The following ADAMTS18 variants were observed in gnomAD, a reference collection of about 807,000 sequenced individuals.
ADAMTS18 encodes the protein ADAM metallopeptidase with thrombospondin type 1 motif 18, also known as A disintegrin and metalloproteinase with thrombospondin motifs 18.
A neutral mutation model predicts 165.9 loss-of-function variants in ADAMTS18; 157 were observed. The observed-to-expected ratio is 0.95, with a 90% CI of 0.83 to 1.08. ADAMTS18 has a LOEUF of 1.08. Among genes scored for constraint, ADAMTS18 ranks in the 50% least tolerant of loss-of-function variants. ADAMTS18 has a pLI of 0.00. For missense variants in ADAMTS18, 2,040 were observed against 1,534.0 expected, an observed-to-expected ratio of 1.33 and a Z score of -5.51; for synonymous variants, 782 against 578.2, an observed-to-expected ratio of 1.35 and a Z score of -5.06.
intron 4 of ADAMTS18, 129 bp downstream of exon 4, chr16:77,367,312 G>C (rs1438934581): frequency 3.1e-6 from 3 of 960,652 alleles, no homozygotes; most frequent in African/African-American, 3.3e-5. Context: ...GATAATTACT[G>C]GTCCTACACC....
chr16:77,334,640 GTGTATATACACTATATACTGT>G (rs1469027088), intron 12 of ADAMTS18, among the ~76,000 whole-genome samples: 6 of 109,714 alleles, frequency 5.5e-5, no homozygotes, highest in Admixed American at 4.4e-4. Flanking sequence ...ATAGTATATA[GTGTATATACACTATATACTGT>G]ATATAGTGCA....
intron 3 of ADAMTS18, among the ~76,000 whole-genome samples, chr16:77,368,181 C>G (rs540680781): frequency 2.1e-4 from 32 of 152,262 alleles, no homozygotes; most frequent in African/African-American, 7.0e-4. Flanking sequence ...CCCCCATTTA[C>G]AAAGGAGAAA....
rs1325664703 is a variant in ADAMTS18 at position 77,434,653 on chromosome 16, C to G, written c.43G>C (p.Gly15Arg). Residue 15 changes from glycine to arginine, a missense_variant, in exon 1 of 23, where the codon GGT becomes CGT. Gly to Arg is a moderately radical substitution (Grantham distance 125). Transcript: ENST00000282849. ...GCCAGGCCCCTCGGCGGGCCCGAAC[C>G]CGCAGCCGGGAAGGCACACGCGAGC... ...LLLACAFPAA[G>R]SGPPRGLAGL... The G allele has an allele frequency of 1.4e-6, 2 of 1,480,414 alleles. No individual in the cohort carries two copies. Among genetic ancestry groups the G allele is most frequent in the Admixed American group, 4.6e-5 (2 of 43,370 alleles). 91.7% of individuals were successfully genotyped at this position (1,480,414 alleles called of 1,614,324 possible).
chr16:77,413,921 C>T (rs1597245566), intron 3 of ADAMTS18, among the ~76,000 whole-genome samples: 1 of 151,824 alleles, frequency 6.6e-6, no homozygotes, highest in Non-Finnish European at 1.5e-5. Context: ...TTTCATTTAT[C>T]TTCAAAAGAA....
intron 8 of ADAMTS18, 37 bp from the exon 9 acceptor site, chr16:77,356,114 G>C: frequency 1.2e-6 from 2 of 1,613,794 alleles, no homozygotes; most frequent in Non-Finnish European, 1.7e-6. Flanking sequence ...CCTGCTTTGT[G>C]AACCCATTTT....
chr16:77,413,068 C>T (rs940011447), intron 3 of ADAMTS18, among the ~76,000 whole-genome samples: 1 of 152,080 alleles, frequency 6.6e-6, no homozygotes, highest in Non-Finnish European at 1.5e-5. Flanking sequence ...CTTGTTGGTT[C>T]TGTTTCCATG....
At chr16:77,310,138 A>C (rs1430365107) in intron 16 of ADAMTS18, among the ~76,000 whole-genome samples, 1 of 152,196 alleles carries the variant, frequency 6.6e-6, no homozygotes, top group Non-Finnish European at 1.5e-5. Flanking sequence ...TCCTGGCTTC[A>C]GTGAAAGAAG....
At position 77,364,305 on chromosome 16, in the gene ADAMTS18, T is replaced by G. The variant is rs767925514; in HGVS notation, c.855A>C (p.Ser285=). The change falls in exon 5 of 23, where the codon TCA becomes TCC. Residue 285 remains serine, a synonymous_variant. Transcript: ENST00000282849. The stretch of plus-strand genomic sequence containing the variant: ...TGAGGCCCTTTTGTGATTTTCCAGC[T>G]GATCTTCTGGGTCGCCCAGAGCTCC... The part of the protein sequence containing the change: ...EYGSSGRPRR[S]AGKSQKGLNV... 6.2e-7 allele frequency: 1 copy of G among 1,614,034 alleles called. No individual in the cohort carries two copies. The highest frequency in any genetic ancestry group is 2.2e-5 in the East Asian group (1 of 44,872).
chr16:77,375,241 C>T (rs1253902136), intron 3 of ADAMTS18, among the ~76,000 whole-genome samples: 8 of 152,034 alleles, frequency 5.3e-5, no homozygotes, highest in Admixed American at 1.3e-4. Context: ...AGGCTGATCC[C>T]GAACTCCTGA....
chr16:77,319,113 G>A (rs2055940495), intron 16 of ADAMTS18, among the ~76,000 whole-genome samples: 1 of 151,974 alleles, frequency 6.6e-6, no homozygotes, highest in Admixed American at 6.5e-5. Context: ...CAAAATCATG[G>A]TAGTTTAGTA....
chr16:77,313,624 T>A (rs1249713145), intron 16 of ADAMTS18, among the ~76,000 whole-genome samples: 1 of 152,112 alleles, frequency 6.6e-6, no homozygotes, highest in Admixed American at 6.5e-5. Context: ...GTATTTCTCA[T>A]CAGGAGTGAT....
At chr16:77,324,135 T>C (rs1415966733) in intron 13 of ADAMTS18, among the ~76,000 whole-genome samples, 1 of 152,148 alleles carries the variant, frequency 6.6e-6, no homozygotes, top group Non-Finnish European at 1.5e-5. Context: ...GGCCAAGGAA[T>C]ATCCACGAAG....
intron 3 of ADAMTS18, among the ~76,000 whole-genome samples, chr16:77,383,892 A>G (rs941450985): frequency 6.6e-6 from 1 of 152,232 alleles, no homozygotes; most frequent in African/African-American, 2.4e-5. Flanking sequence ...AGGATGCTTC[A>G]AAGGTCACCT....
chr16:77,309,418 A>C (rs975553979), intron 16 of ADAMTS18, among the ~76,000 whole-genome samples: 1 of 152,198 alleles, frequency 6.6e-6, no homozygotes, highest in African/African-American at 2.4e-5. Context: ...TTTGACACCA[A>C]GGAAATCAAT....
chr16:77,289,355 T>C lies in ADAMTS18; in HGVS notation c.3459A>G (p.Gln1153=). The C allele has an allele frequency of 1.2e-6, 2 of 1,614,116 alleles. No individual in the cohort carries two copies. Among genetic ancestry groups the C allele is most frequent in the South Asian group, 2.2e-5 (2 of 91,078 alleles). ...GCAGACAACTTGAGGAAGGCCGGCC[T>C]TGCTGAACACAGTGGACTGACCGGG... ...VQTRSVHCVQ[Q]GRPSSSCLLH... Residue 1153 remains glutamine, a synonymous_variant, in exon 22 of 23, where the codon CAA becomes CAG. Coordinates refer to ENST00000282849, the MANE Select transcript of ADAMTS18 (RefSeq NM_199355.4).
At chr16:77,356,635 T>TA (rs1428517106) in intron 8 of ADAMTS18, among the ~76,000 whole-genome samples, 1 of 152,128 alleles carries the variant, frequency 6.6e-6, no homozygotes, top group Non-Finnish European at 1.5e-5. Context: ...AACATTTTTT[T>TA]AACATGCTTG....
At chr16:77,367,763 G>A (rs988844515) in intron 3 of ADAMTS18, 40 bp from the exon 4 acceptor site, 2 of 1,613,510 alleles carry the variant, frequency 1.2e-6, no homozygotes, top group Non-Finnish European at 1.7e-6. Flanking sequence ...ATGATTCCAT[G>A]CATCCCTGTG....
intron 3 of ADAMTS18, among the ~76,000 whole-genome samples, chr16:77,377,824 A>T (rs559218443): frequency 6.6e-6 from 1 of 152,336 alleles, no homozygotes; most frequent in South Asian, 2.1e-4. Context: ...TTGTTGCCCA[A>T]CATGTACAAG....
intron 10 of ADAMTS18, among the ~76,000 whole-genome samples, chr16:77,352,373 C>A (rs1376478003): frequency 6.6e-6 from 1 of 152,040 alleles, no homozygotes; most frequent in Non-Finnish European, 1.5e-5. Flanking sequence ...GTGACTGGTA[C>A]CAGTCACCGG....
Sources: gnomAD v4.1 joint callset for allele counts (sites outside exome capture counted in the v4.1 genomes callset) on GRCh38, gnomAD v4.1.1 for gene constraint, MANE v1.5 for transcripts, NCBI Gene and HGNC (gene_info 2026-07-23, HGNC 2026-07-21) for gene names.